Variants in ZNF346 observed in about 807,000 individuals in gnomAD.
ZNF346 encodes the protein double-stranded RNA-binding zinc finger protein JAZ.
Under a neutral mutation model 33.7 loss-of-function variants are expected in ZNF346, and 23 were observed. The observed-to-expected ratio is 0.68, with a 90% CI of 0.49 to 0.97. ZNF346 has a LOEUF of 0.97. Ranked by LOEUF, ZNF346 falls within the 50% of genes least tolerant of loss-of-function variation. The pLI, the probability that ZNF346 is intolerant of heterozygous loss-of-function variation, is 0.00. For missense variants in ZNF346, 340 were observed against 371.1 expected (o/e 0.92, Z 0.69); for synonymous variants, 134 against 142.4 (o/e 0.94, Z 0.42).
intron 5 of ZNF346, among the ~76,000 whole-genome samples, chr5:177,058,987 G>A (rs762637324): frequency 2.6e-5 from 4 of 152,094 alleles, no homozygotes; most frequent in South Asian, 2.1e-4. Context: ...CACCCGCCTC[G>A]CCCTCCCAAA....
At chr5:177,061,167 C>G (rs539291712) in intron 5 of ZNF346, among the ~76,000 whole-genome samples, 44 of 149,886 alleles carry the variant, frequency 2.9e-4, no homozygotes, top group Non-Finnish European at 6.1e-4. Flanking sequence ...AAGGATCAGG[C>G]CGGGTGCGGT....
chr5:177,073,828 A>AGGGGGGGGGGGGGGGGGG (rs34734185), intron 8 of ZNF346, among the ~76,000 whole-genome samples: 1 of 69,026 alleles, frequency 1.4e-5, no homozygotes, highest in African/African-American at 3.9e-5. Context: ...CGGGCGGGGG[A>AGGGGGGGGGGGGGGGGGG]GGGGGGGGGT....
chr5:177,069,539 GTTT>G (rs1472522031), downstream of ZNF346, among the ~76,000 whole-genome samples: 1 of 150,908 alleles, frequency 6.6e-6, no homozygotes, highest in African/African-American at 2.4e-5. Flanking sequence ...CTACTTTTTT[GTTT>G]TTGTTTTTGA....
chr5:177,047,340 GTTTTTTTTT>G (rs113091804), intron 4 of ZNF346, among the ~76,000 whole-genome samples: 10 of 137,372 alleles, frequency 7.3e-5, no homozygotes, highest in African/African-American at 2.4e-4. Flanking sequence ...TTTGTTTTTT[GTTTTTTTTT>G]TTTTTTGAGA....
chr5:177,034,696 C>T (rs903775300), intron 1 of ZNF346, among the ~76,000 whole-genome samples: 1 of 152,186 alleles, frequency 6.6e-6, no homozygotes, highest in Admixed American at 6.5e-5. Context: ...TAAATTAAAT[C>T]CTGTGAATAC....
At position 177,077,213 on chromosome 5, in the gene ZNF346, G is replaced by A. The variant is rs1295823693; in HGVS notation, c.*3-2169G>A. Among the ~76,000 whole-genome samples the A allele has an allele frequency of 6.6e-6, 1 of 152,074 alleles. No individual in the cohort carries two copies. The highest frequency in any genetic ancestry group is 1.5e-5 in the Non-Finnish European group (1 of 68,012). ...TAAAAGCCATGGAAATTTATTAAAAGGTTTTAAACAAATAGCAGTGAAAAC... is the reference window on the plus strand; with the variant it reads ...TAAAAGCCATGGAAATTTATTAAAAAGTTTTAAACAAATAGCAGTGAAAAC... On this transcript the variant is annotated intron_variant, in intron 8 of 8. Coordinates refer to the ZNF346 transcript ENST00000503039. The surrounding 1 kb of genome is among the most constrained non-coding windows in gnomAD (Gnocchi z 5.0).
chr5:177,050,165 A>G (rs538467292), intron 4 of ZNF346, among the ~76,000 whole-genome samples: 1 of 152,358 alleles, frequency 6.6e-6, no homozygotes, highest in African/African-American at 2.4e-5. Flanking sequence ...CTCTCTACTC[A>G]GCCTATAATA....
intron 5 of ZNF346, among the ~76,000 whole-genome samples, chr5:177,055,383 T>G (rs184005741): frequency 4.8e-4 from 73 of 152,152 alleles, no homozygotes; most frequent in Non-Finnish European, 8.7e-4. Flanking sequence ...TCTGAAATTT[T>G]GGGCACTAAA....
chr5:177,027,656 C>CT lies in ZNF346; in HGVS notation c.175+4756dup, dbSNP rs201396588. Reference sequence around the variant, plus strand: ...GCCTAAGCTTTTCTTTCTTCCTTTCCTTTTTTTTTTTTTAAATTCTCTATT... The same window carrying CT: ...GCCTAAGCTTTTCTTTCTTCCTTTCCTTTTTTTTTTTTTTAAATTCTCTATT... On this transcript the variant is annotated intron_variant, in intron 1 of 6. Coordinates refer to ENST00000358149, the MANE Select transcript of ZNF346 (RefSeq NM_012279.4). 3.3e-3 allele frequency among the ~76,000 whole-genome samples: 472 copies of CT among 141,012 alleles called. 1 individual carries two copies. Among genetic ancestry groups the CT allele is most frequent in the African/African-American group, 0.01 (399 of 38,802 alleles). 92.5% of individuals were successfully genotyped at this position (141,012 alleles called of 152,430 possible).
Position 177,027,244 on chromosome 5 carries a change from A to T in ZNF346, c.175+4331A>T, listed in dbSNP as rs141859135. Among the ~76,000 whole-genome samples, 420 of 151,692 alleles carry T rather than the reference A, an allele frequency of 2.8e-3. 1 individual carries two copies. Among genetic ancestry groups the T allele is most frequent in the African/African-American group, 9.7e-3 (403 of 41,358 alleles). ...ATTTTTGTATTTTTCGTAGAGACGGAGTTTCACCATGTTGGTCAGGCTGGT... is the reference window on the plus strand; with the variant it reads ...ATTTTTGTATTTTTCGTAGAGACGGTGTTTCACCATGTTGGTCAGGCTGGT... On this transcript the variant is annotated intron_variant, in intron 1 of 6. Transcript: ENST00000358149.
chr5:177,049,789 G>A (rs1207113405), intron 4 of ZNF346, among the ~76,000 whole-genome samples: 1 of 152,134 alleles, frequency 6.6e-6, no homozygotes, highest in Non-Finnish European at 1.5e-5. Flanking sequence ...TACCTCATTG[G>A]GGTAGTTCTG....
At chr5:177,043,033 G>T (rs886212349) in intron 3 of ZNF346, among the ~76,000 whole-genome samples, 1 of 152,106 alleles carries the variant, frequency 6.6e-6, no homozygotes, top group Non-Finnish European at 1.5e-5. Context: ...TGTATTTTTA[G>T]TAGAGATAGG....
rs1783049029 is a variant in ZNF346 at position 177,065,289 on chromosome 5, GCC to G, written c.*691_*692del. On this transcript the variant is annotated 3_prime_UTR_variant, in exon 7 of 7. Coordinates refer to ENST00000358149, the MANE Select transcript of ZNF346 (RefSeq NM_012279.4). ...TGGCAACGAGCTGGGGCTGGGGGCG[GCC>G]TCCATGTCCACTGAGATCATAGGAC... is the stretch of plus-strand genomic sequence containing the variant. 6.5e-6 allele frequency: 1 copy of G among 153,246 alleles called. No homozygotes were observed. The highest frequency in any genetic ancestry group is 2.1e-4 in the South Asian group (1 of 4,834). The allele number at this position is 153,246 out of a possible 1,614,324, so 9.5% of individuals were successfully genotyped here.
At chr5:177,022,941 G>C in intron 1 of ZNF346, 28 bp downstream of exon 1, 2 of 1,448,570 alleles carry the variant, frequency 1.4e-6, no homozygotes, top group South Asian at 2.9e-5. Flanking sequence ...GAGGCAGAAA[G>C]CCCCTCGCCC....
At chr5:177,035,652 T>TG (rs1267260920) in intron 1 of ZNF346, among the ~76,000 whole-genome samples, 48 of 139,624 alleles carry the variant, frequency 3.4e-4, no homozygotes, top group African/African-American at 1.4e-3. Flanking sequence ...TTTTTTTTTT[T>TG]TTTGAGACAG....
chr5:177,062,249 T>C (rs1157419318), intron 6 of ZNF346, 98 bp downstream of exon 6: 7 of 964,060 alleles, frequency 7.3e-6, no homozygotes, highest in Non-Finnish European at 8.2e-6. Context: ...AATGGAATCC[T>C]GGCAGTCTTT....
intron 4 of ZNF346, 190 bp from the exon 5 acceptor site, chr5:177,050,561 C>T: frequency 3.2e-6 from 2 of 624,094 alleles, no homozygotes. Flanking sequence ...TTAGAGAATG[C>T]ATTCACCTGT....
intron 1 of ZNF346, 114 bp downstream of exon 1, chr5:177,023,027 C>A: frequency 7.0e-7 from 1 of 1,434,922 alleles, no homozygotes; most frequent in South Asian, 1.3e-5. Flanking sequence ...TGCTGCGCCC[C>A]GGGACCCCCA....
chr5:177,027,825 T>C (rs1777021149), intron 1 of ZNF346, among the ~76,000 whole-genome samples: 1 of 151,542 alleles, frequency 6.6e-6, no homozygotes, highest in Non-Finnish European at 1.5e-5. Context: ...TGTGTTTTTT[T>C]AAATAGAGGG....
Sources: gnomAD v4.1 joint callset for allele counts (sites outside exome capture counted in the v4.1 genomes callset) on GRCh38, gnomAD v4.1.1 for gene constraint, Gnocchi (gnomAD v3.1) non-coding constraint, MANE v1.5 for transcripts, NCBI Gene and HGNC (gene_info 2026-07-23, HGNC 2026-07-21) for gene names.